Variants in PDZD9 observed in about 807,000 individuals in gnomAD.
The protein encoded by PDZD9 is PDZ domain containing 9.
Under a neutral mutation model 16.3 loss-of-function variants are expected in PDZD9, and 13 were observed. That is an observed-to-expected ratio of 0.80 (90% CI 0.52 to 1.27). The LOEUF (loss-of-function observed/expected upper bound fraction) is 1.27, where lower values mean the gene tolerates loss of function less well. Among genes scored for constraint, PDZD9 ranks in the 50% most tolerant of loss-of-function variants. The probability of loss-of-function intolerance (pLI) is 0.00; values close to 1 mark genes in which losing one functional copy is unlikely to be tolerated. For synonymous variants in PDZD9, 120 were observed against 111.0 expected (o/e 1.08, Z -0.51); for missense variants, 288 against 310.9 (o/e 0.93, Z 0.55).
chr16:21,959,492 A>G, the PDZD9 span: 1 of 156,788 alleles, frequency 6.4e-6, no homozygotes, highest in African/African-American at 2.4e-5. Context: ...TTCTCTTGCT[A>G]CTCCCACCAT....
chr16:21,996,568 G>A, intron 1 of PDZD9, 67 bp from the exon 2 acceptor site: 1 of 1,384,234 alleles, frequency 7.2e-7, no homozygotes, highest in African/African-American at 1.4e-5. Context: ...ACCTACTGGG[G>A]TTCTGAAGCC....
At chr16:21,976,057 G>A in the PDZD9 span, 1 of 690,830 alleles carries the variant, frequency 1.4e-6, no homozygotes, top group Non-Finnish European at 2.6e-6. Flanking sequence ...TGTGCTGTTT[G>A]TCTGGAACTA....
chr16:21,971,492 G>T, the PDZD9 span: 1 of 1,538,588 alleles, frequency 6.5e-7, no homozygotes, highest in Non-Finnish European at 8.9e-7. Context: ...AGTAATTGTG[G>T]TTCTAGCTTT....
downstream of PDZD9, chr16:21,980,640 C>T (rs781734076): frequency 1.2e-6 from 2 of 1,614,198 alleles, no homozygotes; most frequent in South Asian, 1.1e-5. Flanking sequence ...CTGGTTCTTA[C>T]ATGCCACCAT....
At chr16:21,976,058 T>C in the PDZD9 span, 2 of 695,948 alleles carry the variant, frequency 2.9e-6, no homozygotes, top group Non-Finnish European at 5.1e-6. Context: ...GTGCTGTTTG[T>C]CTGGAACTAA....
intron 3 of PDZD9, among the ~76,000 whole-genome samples, chr16:21,986,384 A>T (rs1003572668): frequency 6.6e-6 from 1 of 152,166 alleles, no homozygotes; most frequent in Non-Finnish European, 1.5e-5. Context: ...TCAGTCTACC[A>T]TCCTTAGAAT....
intron 3 of PDZD9, among the ~76,000 whole-genome samples, chr16:21,988,210 A>G (rs1898930327): frequency 6.6e-6 from 1 of 151,842 alleles, no homozygotes; most frequent in African/African-American, 2.4e-5. Flanking sequence ...GGGTTTCACC[A>G]TGTTGGCCAG....
the PDZD9 span, chr16:21,971,476 T>TA: frequency 7.0e-7 from 1 of 1,419,302 alleles, no homozygotes; most frequent in Admixed American, 2.0e-5. Flanking sequence ...TTTACGATTG[T>TA]GTTTTAGTAA....
chr16:21,973,222 T>C, the PDZD9 span, among the ~76,000 whole-genome samples: 1 of 152,220 alleles, frequency 6.6e-6, no homozygotes, highest in African/African-American at 2.4e-5. Flanking sequence ...TTGTTAAAAA[T>C]CTGGGCTTCC....
At chr16:21,975,334 G>A in the PDZD9 span, among the ~76,000 whole-genome samples, 3 of 152,180 alleles carry the variant, frequency 2.0e-5, no homozygotes, top group African/African-American at 4.8e-5. Flanking sequence ...TAAGGATAGT[G>A]AGATTAAAGA....
the PDZD9 span, among the ~76,000 whole-genome samples, chr16:21,975,889 C>G: frequency 6.6e-6 from 1 of 152,096 alleles, no homozygotes; most frequent in East Asian, 1.9e-4. Context: ...CCACACATCT[C>G]TACAAAAAAA....
intron 2 of PDZD9, 100 bp downstream of exon 2, chr16:21,996,222 G>A (rs761451348): frequency 7.2e-5 from 97 of 1,338,862 alleles, no homozygotes; most frequent in Admixed American, 1.6e-4. Context: ...CAGCATGCCC[G>A]TCATATCCTT....
intron 3 of PDZD9, among the ~76,000 whole-genome samples, chr16:21,988,110 C>T (rs540324763): frequency 6.8e-6 from 1 of 147,814 alleles, no homozygotes; most frequent in Non-Finnish European, 1.5e-5. Flanking sequence ...CTGATTCGAG[C>T]GATTCTCCTG....
chr16:21,991,483 C>G (rs1899021838), intron 2 of PDZD9, among the ~76,000 whole-genome samples: 1 of 152,136 alleles, frequency 6.6e-6, no homozygotes, highest in Non-Finnish European at 1.5e-5. Context: ...AATTTGCCCG[C>G]CTCAGCTTCT....
chr16:21,971,467 T>C, the PDZD9 span: 1 of 1,378,614 alleles, frequency 7.3e-7, no homozygotes, highest in South Asian at 1.2e-5. Context: ...AAAAAATATT[T>C]TACGATTGTG....
At chr16:21,989,339 TATG>T in intron 2 of PDZD9, among the ~76,000 whole-genome samples, 1 of 152,268 alleles carries the variant, frequency 6.6e-6, no homozygotes, top group African/African-American at 2.4e-5. Flanking sequence ...GTAGACATTA[TATG>T]ATGTTTTTGA....
chr16:21,978,800 C>T, the PDZD9 span, among the ~76,000 whole-genome samples: 2 of 152,104 alleles, frequency 1.3e-5, no homozygotes, highest in East Asian at 1.9e-4. Flanking sequence ...TGTTGAGTTT[C>T]GGGGCACATA....
At chr16:21,971,782 T>C in the PDZD9 span, 1 of 1,344,482 alleles carries the variant, frequency 7.4e-7, no homozygotes, top group Non-Finnish European at 1.0e-6. Context: ...TGTGTGTGTT[T>C]GGGGACAGGA....
downstream of PDZD9, among the ~76,000 whole-genome samples, chr16:21,981,725 T>A (rs1898733722): frequency 6.6e-6 from 1 of 151,932 alleles, no homozygotes; most frequent in African/African-American, 2.4e-5. Context: ...ATCATGCCAC[T>A]GTACTCCAGG....
Sources: gnomAD v4.1 joint callset for allele counts (sites outside exome capture counted in the v4.1 genomes callset) on GRCh38, gnomAD v4.1.1 for gene constraint, MANE v1.5 for transcripts, NCBI Gene and HGNC (gene_info 2026-07-23, HGNC 2026-07-21) for gene names.